Variants in CPA6 observed in about 807,000 individuals in gnomAD.
The protein encoded by CPA6 is carboxypeptidase A6.
CPA6 carries 58 observed loss-of-function variants against 63.3 expected under a neutral mutation model. The ratio of observed to expected loss-of-function variants is 0.92; its 90% CI spans 0.74 to 1.14. The LOEUF (loss-of-function observed/expected upper bound fraction) is 1.14. Ranked by LOEUF, CPA6 falls within the 50% of genes most tolerant of loss-of-function variation. The pLI is 0.00. For missense variants in CPA6, 565 were observed against 526.6 expected, an observed-to-expected ratio of 1.07 and a Z score of -0.71; for synonymous variants, 185 against 179.0, an observed-to-expected ratio of 1.03 and a Z score of -0.27.
intron 1 of CPA6, among the ~76,000 whole-genome samples, chr8:67,668,144 C>T (rs1473786750): frequency 6.6e-6 from 1 of 152,230 alleles, no homozygotes; most frequent in Admixed American, 6.5e-5. Flanking sequence ...AAAGGCTTTG[C>T]TCAACATGCT....
intron 1 of CPA6, among the ~76,000 whole-genome samples, chr8:67,744,263 T>G (rs1817966157): frequency 6.6e-6 from 1 of 152,242 alleles, no homozygotes; most frequent in African/African-American, 2.4e-5. Context: ...CATCTTTTTC[T>G]TCCCTCCTAC....
chr8:67,543,445 C>T (rs923505018), intron 2 of CPA6, among the ~76,000 whole-genome samples: 6 of 152,120 alleles, frequency 3.9e-5, no homozygotes, highest in African/African-American at 1.4e-4. Flanking sequence ...TATATGCTGT[C>T]GGTTGAACAT....
intron 1 of CPA6, among the ~76,000 whole-genome samples, chr8:67,681,370 C>T (rs1388148551): frequency 1.3e-4 from 19 of 149,766 alleles, no homozygotes; most frequent in Admixed American, 9.3e-4. Context: ...CCACCGTGCC[C>T]GGCTAATTTT....
At chr8:67,444,124 T>C (rs1810359399) in intron 8 of CPA6, among the ~76,000 whole-genome samples, 1 of 151,870 alleles carries the variant, frequency 6.6e-6, no homozygotes, top group African/African-American at 2.4e-5. Flanking sequence ...CCGGAGTAGC[T>C]GGGATTACAG....
intron 8 of CPA6, among the ~76,000 whole-genome samples, chr8:67,481,457 AG>A (rs1217964864): frequency 1.3e-5 from 2 of 152,256 alleles, no homozygotes; most frequent in African/African-American, 4.8e-5. Flanking sequence ...GTATTCAAAA[AG>A]TATGCCTGTC....
chr8:67,522,042 C>T (rs921083357), intron 2 of CPA6, among the ~76,000 whole-genome samples: 3 of 152,108 alleles, frequency 2.0e-5, no homozygotes, highest in South Asian at 2.1e-4. Flanking sequence ...GACAGGTACC[C>T]GGTGAAACCC....
intron 1 of CPA6, among the ~76,000 whole-genome samples, chr8:67,658,588 C>A (rs150408156): frequency 9.2e-5 from 14 of 152,272 alleles, no homozygotes; most frequent in Middle Eastern, 3.4e-3. Flanking sequence ...CATCATTTAT[C>A]TCCACATCAA....
chr8:67,691,214 A>T (rs531963067), intron 1 of CPA6, among the ~76,000 whole-genome samples: 1 of 152,330 alleles, frequency 6.6e-6, no homozygotes, highest in South Asian at 2.1e-4. Flanking sequence ...ACATCTGTTC[A>T]AGTAGAGTAC....
chr8:67,653,172 T>G (rs113546698), intron 1 of CPA6, among the ~76,000 whole-genome samples: 3 of 149,468 alleles, frequency 2.0e-5, no homozygotes, highest in Admixed American at 6.6e-5. Flanking sequence ...AGTCAGGTAG[T>G]GTGATGCCTC....
At chr8:67,577,531 C>A (rs532197819) in intron 2 of CPA6, among the ~76,000 whole-genome samples, 1 of 151,800 alleles carries the variant, frequency 6.6e-6, no homozygotes, top group Admixed American at 6.6e-5. Flanking sequence ...CTCTTCGAAG[C>A]GTAAGAAAGA....
At chr8:67,660,659 C>T (rs1333543168) in intron 1 of CPA6, among the ~76,000 whole-genome samples, 3 of 151,830 alleles carry the variant, frequency 2.0e-5, no homozygotes, top group South Asian at 2.1e-4. Context: ...ACAGTTTTAA[C>T]GAATTGTAAG....
intron 8 of CPA6, among the ~76,000 whole-genome samples, chr8:67,442,636 A>G (rs1810318489): frequency 6.6e-6 from 1 of 152,194 alleles, no homozygotes. Flanking sequence ...TAGAGTGGTA[A>G]TTAGGAACTA....
intron 2 of CPA6, among the ~76,000 whole-genome samples, chr8:67,536,625 A>G (rs958440924): frequency 2.6e-5 from 4 of 152,212 alleles, no homozygotes; most frequent in African/African-American, 9.7e-5. Context: ...CTAAATATGC[A>G]ATCATGTCAT....
chr8:67,509,955 A>C (rs1812010075), intron 4 of CPA6, among the ~76,000 whole-genome samples: 1 of 152,140 alleles, frequency 6.6e-6, no homozygotes, highest in African/African-American at 2.4e-5. Flanking sequence ...ATTTATTTCT[A>C]TTTTCCACAA....
intron 1 of CPA6, among the ~76,000 whole-genome samples, chr8:67,688,131 T>A (rs562295535): frequency 1.8e-4 from 27 of 152,250 alleles, no homozygotes; most frequent in African/African-American, 6.3e-4. Context: ...ATCACTGAAC[T>A]TCACTGAACT....
intron 8 of CPA6, among the ~76,000 whole-genome samples, chr8:67,441,586 C>T (rs996276211): frequency 6.6e-6 from 1 of 152,032 alleles, no homozygotes; most frequent in Non-Finnish European, 1.5e-5. Context: ...TTAAAACATA[C>T]ATAGGTATAA....
chr8:67,684,001 G>GTA (rs3056573), intron 1 of CPA6, among the ~76,000 whole-genome samples: 12,616 of 116,584 alleles, frequency 0.11, 554 homozygotes, highest in South Asian at 0.13. Context: ...ATTTTAAAAT[G>GTA]TATATATATA....
chr8:67,643,552 T>G (rs1007484608), intron 1 of CPA6, among the ~76,000 whole-genome samples: 1 of 152,162 alleles, frequency 6.6e-6, no homozygotes, highest in Admixed American at 6.5e-5. Context: ...GGTAGTTTTT[T>G]TTTTAAATCA....
intron 1 of CPA6, among the ~76,000 whole-genome samples, chr8:67,697,249 G>A (rs1816928785): frequency 1.3e-5 from 2 of 152,228 alleles, no homozygotes; most frequent in Admixed American, 6.5e-5. Flanking sequence ...GCCACTGGGG[G>A]CTGCTGCTCT....
Sources: allele counts gnomAD v4.1 joint callset (sites outside exome capture counted in the v4.1 genomes callset), GRCh38; gene constraint gnomAD v4.1.1; transcripts MANE v1.5; gene names NCBI Gene and HGNC (gene_info 2026-07-23, HGNC 2026-07-21).